PRKCQ: variants seen among roughly 807,000 people sequenced by gnomAD.
PRKCQ encodes protein kinase C theta type.
Under a neutral mutation model 91.2 loss-of-function variants are expected in PRKCQ, and 41 were observed. The ratio of observed to expected loss-of-function variants is 0.45; its 90% CI spans 0.35 to 0.58. The LOEUF is 0.58. PRKCQ is among the 20% of genes least tolerant of loss of function. The probability of loss-of-function intolerance (pLI) is 0.00; values close to 1 mark genes in which losing one functional copy is unlikely to be tolerated. For missense variants in PRKCQ, 673 were observed against 896.5 expected (o/e 0.75, Z 3.18); for synonymous variants, 307 against 316.9 (o/e 0.97, Z 0.33).
intron 10 of PRKCQ, 38 bp downstream of exon 10, chr10:6,485,114 T>C: frequency 1.9e-6 from 3 of 1,546,534 alleles, no homozygotes; most frequent in Non-Finnish European, 2.7e-6. Flanking sequence ...TTGAGATTAA[T>C]GACTGACAGT....
intron 15 of PRKCQ, among the ~76,000 whole-genome samples, chr10:6,445,786 T>C (rs1834251556): frequency 6.6e-6 from 1 of 152,216 alleles, no homozygotes. Flanking sequence ...GGGAGAATGA[T>C]AAGGAAATAT....
At chr10:6,443,644 TG>T (rs1834087492) in intron 15 of PRKCQ, among the ~76,000 whole-genome samples, 1 of 152,280 alleles carries the variant, frequency 6.6e-6, no homozygotes, top group Middle Eastern at 3.4e-3. Context: ...CGCCAGGGTC[TG>T]GGCAGAGGGT....
intron 11 of PRKCQ, among the ~76,000 whole-genome samples, chr10:6,479,767 TAAAAAAAAAAAAAAA>T (rs34610362): frequency 2.6e-5 from 1 of 38,988 alleles, no homozygotes; most frequent in Non-Finnish European, 4.3e-5. Context: ...CCGTCTCGAC[TAAAAAAAAAAAAAAA>T]AAAAAAAAAA....
intron 14 of PRKCQ, 117 bp from the exon 15 acceptor site, chr10:6,456,929 C>T (rs760883710): frequency 1.9e-5 from 20 of 1,049,374 alleles, no homozygotes; most frequent in East Asian, 2.6e-5. Flanking sequence ...TCACGAGAGG[C>T]GCTTATGTAT....
chr10:6,402,567 A>G, the PRKCQ span, among the ~76,000 whole-genome samples: 5 of 152,106 alleles, frequency 3.3e-5, no homozygotes, highest in African/African-American at 1.2e-4. Context: ...TAACAATTTC[A>G]AAGAAGAGTG....
intron 1 of PRKCQ, among the ~76,000 whole-genome samples, chr10:6,543,375 GAAAACAAAAACA>G (rs1015803603): frequency 6.6e-6 from 1 of 152,252 alleles, no homozygotes; most frequent in Non-Finnish European, 1.5e-5. Flanking sequence ...CCAGACAGAG[GAAAACAAAAACA>G]AAAACAAAAG....
intron 8 of PRKCQ, among the ~76,000 whole-genome samples, chr10:6,490,011 G>A (rs1837192903): frequency 1.3e-5 from 2 of 152,038 alleles, no homozygotes; most frequent in Non-Finnish European, 2.9e-5. Flanking sequence ...CTGTTTCTGT[G>A]GATACCGTCA....
chr10:6,559,050 G>T (rs1047100818), intron 1 of PRKCQ, among the ~76,000 whole-genome samples: 1 of 152,162 alleles, frequency 6.6e-6, no homozygotes, highest in Non-Finnish European at 1.5e-5. Context: ...AATTCTTGGG[G>T]TTCTTTCTAC....
chr10:6,456,712 T>A lies in PRKCQ; in HGVS notation c.1609A>T (p.Asn537Tyr). Residue 537 changes from asparagine to tyrosine, a missense_variant, in exon 15 of 18, where the codon AAT (asparagine) becomes TAT (tyrosine). By Grantham distance (143) the Asn-to-Tyr change is moderately radical. Coordinates refer to ENST00000263125, the MANE Select transcript of PRKCQ (RefSeq NM_006257.5). ...TAGTCAGGTGTCCCACAGAAGGTAT[T>A]CGTCTTGGCATCTCCTAACATGTTC... ...KENMLGDAKT[N>Y]TFCGTPDYIA... is the part of the protein sequence containing the mutation. The A allele has an allele frequency of 6.2e-7, 1 of 1,614,180 alleles. No homozygotes were observed. The highest frequency in any genetic ancestry group is 8.5e-7 in the Non-Finnish European group (1 of 1,180,016).
intron 15 of PRKCQ, among the ~76,000 whole-genome samples, chr10:6,442,976 A>C (rs7076533): frequency 0.2 from 30,209 of 151,898 alleles, 3,851 homozygotes; most frequent in Non-Finnish European, 0.27. Flanking sequence ...AACAAAAAAA[A>C]CCCCAAAGCA....
chr10:6,425,089 G>T (rs1372146265), downstream of PRKCQ, among the ~76,000 whole-genome samples: 5 of 152,160 alleles, frequency 3.3e-5, no homozygotes, highest in Non-Finnish European at 7.3e-5. Context: ...ATCAGATGCT[G>T]ATTGGTGGAT....
chr10:6,470,935 A>G (rs2130737045), intron 12 of PRKCQ, among the ~76,000 whole-genome samples: 1 of 152,190 alleles, frequency 6.6e-6, no homozygotes, highest in African/African-American at 2.4e-5. Context: ...GCAAAAAAAA[A>G]AAAAAATCAA....
chr10:6,535,692 C>T (rs916189451), intron 1 of PRKCQ, among the ~76,000 whole-genome samples: 13 of 152,082 alleles, frequency 8.5e-5, no homozygotes, highest in Non-Finnish European at 1.6e-4. Context: ...TGTTTCAAAA[C>T]AGCCCGTGTC....
At chr10:6,572,081 T>A (rs946944944) in intron 1 of PRKCQ, among the ~76,000 whole-genome samples, 1 of 152,178 alleles carries the variant, frequency 6.6e-6, no homozygotes, top group African/African-American at 2.4e-5. Context: ...TCTGAATGAC[T>A]GATTCCCGCG....
chr10:6,563,975 G>T (rs937611641), intron 1 of PRKCQ, among the ~76,000 whole-genome samples: 1 of 152,266 alleles, frequency 6.6e-6, no homozygotes, highest in Non-Finnish European at 1.5e-5. Flanking sequence ...AGGTCTCAGG[G>T]GTTAGCAAAG....
the PRKCQ span, among the ~76,000 whole-genome samples, chr10:6,412,818 T>C: frequency 6.6e-6 from 1 of 152,232 alleles, no homozygotes; most frequent in South Asian, 2.1e-4. Flanking sequence ...ACTTGAGTTA[T>C]TGATCCCTCA....
At position 6,483,541 on chromosome 10, in the gene PRKCQ, G is replaced by A; in HGVS notation, c.1078C>T (p.Pro360Ser). The A allele has an allele frequency of 2.5e-6, 4 of 1,614,124 alleles. No individual in the cohort carries two copies. Among genetic ancestry groups the A allele is most frequent in the Non-Finnish European group, 3.4e-6 (4 of 1,180,010 alleles). The change falls in exon 11 of 18, where the codon CCA becomes TCA. Residue 360 changes from proline to serine, a missense_variant. Pro to Ser is a moderately conservative substitution (Grantham distance 74). Transcript: ENST00000263125. ...LDEVDKMCHL[P>S]EPELNKERPS... is the part of the protein sequence containing the mutation. ...CTTTCTTTGTTCAGTTCAGGTTCTG[G>A]AAGATGGCACATTTTATCCACCTCA...
At chr10:6,432,065 G>A (rs10796145) in intron 16 of PRKCQ, among the ~76,000 whole-genome samples, 90,213 of 152,046 alleles carry the variant, frequency 0.59, 29,820 homozygotes, top group East Asian at 0.78. Context: ...AGTAGTTACC[G>A]GTTATTCTTA....
chr10:6,413,682 GCA>G, the PRKCQ span, among the ~76,000 whole-genome samples: 3 of 98,074 alleles, frequency 3.1e-5, no homozygotes, highest in South Asian at 3.6e-4. Flanking sequence ...TGCCACTTGT[GCA>G]CACACACACA....
Sources: gnomAD v4.1 joint callset for allele counts (sites outside exome capture counted in the v4.1 genomes callset) on GRCh38, gnomAD v4.1.1 for gene constraint, MANE v1.5 for transcripts, NCBI Gene and HGNC (gene_info 2026-07-23, HGNC 2026-07-21) for gene names.